The following KCNJ6 variants were observed in gnomAD, a reference collection of about 807,000 sequenced individuals.
The protein encoded by KCNJ6 is G protein-activated inward rectifier potassium channel 2.
Under a neutral mutation model 34.2 loss-of-function variants are expected in KCNJ6, and 9 were observed. The ratio of observed to expected loss-of-function variants is 0.26; its 90% CI spans 0.16 to 0.46. The LOEUF (loss-of-function observed/expected upper bound fraction) is 0.46, where lower values mean the gene tolerates loss of function less well. Ranked by LOEUF, KCNJ6 falls within the 20% of genes least tolerant of loss-of-function variation. KCNJ6 has a pLI of 1.00. For missense variants in KCNJ6, 236 were observed against 531.3 expected (o/e 0.44, Z 5.46); for synonymous variants, 196 against 207.1 (o/e 0.95, Z 0.46).
chr21:37,701,554 C>T (rs573411219), intron 3 of KCNJ6, among the ~76,000 whole-genome samples: 6 of 152,212 alleles, frequency 3.9e-5, no homozygotes, highest in African/African-American at 1.4e-4. Flanking sequence ...GGTCCAGGAA[C>T]TGCTCTGGGT....
intron 2 of KCNJ6, among the ~76,000 whole-genome samples, chr21:37,822,553 G>T (rs528686063): frequency 6.6e-6 from 1 of 152,184 alleles, no homozygotes; most frequent in African/African-American, 2.4e-5. Context: ...CAAAAGAAAC[G>T]CCTTCTGTGT....
At position 37,620,771 on chromosome 21, in the gene KCNJ6, T is replaced by G. The variant is rs548531624; in HGVS notation, c.*4388A>C. The G allele has an allele frequency of 1.7e-4, 26 of 152,352 alleles. No homozygotes were observed. The highest frequency in any genetic ancestry group is 5.5e-4 in the African/African-American group (23 of 41,586). The allele number at this position is 152,352 out of a possible 1,614,324, so 9.4% of individuals were successfully genotyped here. ...AGATAATTTGTACAAGTGCTCTTAA[T>G]GCTCTCAAACACCACACCATGTTGG... On this transcript the variant is annotated 3_prime_UTR_variant, in exon 4 of 4. Coordinates refer to ENST00000609713, the MANE Select transcript of KCNJ6 (RefSeq NM_002240.5).
intron 2 of KCNJ6, among the ~76,000 whole-genome samples, chr21:37,838,267 G>A (rs1453090759): frequency 6.6e-6 from 1 of 152,186 alleles, no homozygotes; most frequent in Non-Finnish European, 1.5e-5. Flanking sequence ...GTCAGGTGAA[G>A]AGCTCTTATT....
chr21:37,846,756 G>A (rs2055510696), intron 1 of KCNJ6, among the ~76,000 whole-genome samples: 1 of 152,224 alleles, frequency 6.6e-6, no homozygotes, highest in East Asian at 1.9e-4. Flanking sequence ...AGTAGGAAAC[G>A]ATAAAGCCAT....
At chr21:37,654,970 G>A (rs2835872) in intron 3 of KCNJ6, among the ~76,000 whole-genome samples, 40,166 of 152,032 alleles carry the variant, frequency 0.26, 5,901 homozygotes, top group Non-Finnish European at 0.32. Context: ...TGGGAGCTAT[G>A]GGCAAGTACT....
At chr21:37,647,221 G>A (rs2054409382) in intron 3 of KCNJ6, among the ~76,000 whole-genome samples, 1 of 152,150 alleles carries the variant, frequency 6.6e-6, no homozygotes, top group South Asian at 2.1e-4. Context: ...TGAAGGGGCT[G>A]ACTTAATTCT....
intron 3 of KCNJ6, among the ~76,000 whole-genome samples, chr21:37,670,486 T>C (rs1002542356): frequency 1.3e-5 from 2 of 152,192 alleles, no homozygotes; most frequent in African/African-American, 4.8e-5. Flanking sequence ...AAGCCTGGGC[T>C]GAGTGCAGTG....
At chr21:37,771,247 T>C (rs1472702555) in intron 2 of KCNJ6, among the ~76,000 whole-genome samples, 3 of 152,216 alleles carry the variant, frequency 2.0e-5, no homozygotes, top group Non-Finnish European at 4.4e-5. Flanking sequence ...TTTGCAGATA[T>C]GATTAAAGCC....
chr21:37,854,030 C>G (rs1035889940), intron 1 of KCNJ6, among the ~76,000 whole-genome samples: 2 of 150,192 alleles, frequency 1.3e-5, no homozygotes, highest in African/African-American at 4.9e-5. Flanking sequence ...CAGAGAATCA[C>G]AAAACAAAAA....
rs1390677592 is a variant in KCNJ6 at position 37,618,579 on chromosome 21, T to G, written c.*6580A>C. 1 of 152,254 alleles carries G rather than the reference T, an allele frequency of 6.6e-6. No homozygotes were observed. Among genetic ancestry groups the G allele is most frequent in the East Asian group, 1.9e-4 (1 of 5,206 alleles). The allele number at this position is 152,254 out of a possible 1,614,324, so 9.4% of individuals were successfully genotyped here. ...AAACAATGGGCACTGAGCCTTAATCTTGAAATGGGCAATTACACAAAGTCG... is the reference window on the plus strand; with the variant it reads ...AAACAATGGGCACTGAGCCTTAATCGTGAAATGGGCAATTACACAAAGTCG... On this transcript the variant is annotated 3_prime_UTR_variant, in exon 4 of 4. Transcript: ENST00000609713.
At chr21:37,730,790 T>A (rs773730002) in intron 2 of KCNJ6, among the ~76,000 whole-genome samples, 1 of 152,144 alleles carries the variant, frequency 6.6e-6, no homozygotes, top group Non-Finnish European at 1.5e-5. Flanking sequence ...AGGCCAACGG[T>A]GGCTGGACTA....
At chr21:37,655,222 TGTGAGA>T (rs1569438954) in intron 3 of KCNJ6, among the ~76,000 whole-genome samples, 9 of 8,242 alleles carry the variant, frequency 1.1e-3, no homozygotes, top group Non-Finnish European at 5.5e-3. Context: ...TGTGTGTGTG[TGTGAGA>T]GAGAGAGAGA....
chr21:37,663,389 A>C (rs545663051), intron 3 of KCNJ6, among the ~76,000 whole-genome samples: 7 of 152,276 alleles, frequency 4.6e-5, no homozygotes, highest in South Asian at 2.1e-4. Context: ...GTATGTGAGC[A>C]AAAAAGTTGA....
intron 2 of KCNJ6, among the ~76,000 whole-genome samples, chr21:37,809,014 C>A (rs2055307764): frequency 6.6e-6 from 1 of 152,196 alleles, no homozygotes; most frequent in East Asian, 1.9e-4. Context: ...ACCCAGCCAT[C>A]CCATTACTGG....
intron 2 of KCNJ6, among the ~76,000 whole-genome samples, chr21:37,798,923 A>T (rs2055256163): frequency 6.6e-6 from 1 of 152,184 alleles, no homozygotes; most frequent in African/African-American, 2.4e-5. Flanking sequence ...CTCAATAAGG[A>T]TTTTAACTTT....
intron 3 of KCNJ6, among the ~76,000 whole-genome samples, chr21:37,645,017 GT>G (rs71198881): frequency 0.014 from 1,833 of 130,780 alleles, 34 homozygotes; most frequent in African/African-American, 0.047. Flanking sequence ...AAACAGGTGG[GT>G]TTTTTTTTTT....
Position 37,610,277 on chromosome 21 carries a change from G to A in KCNJ6, c.*14882C>T, listed in dbSNP as rs1229726279. 1 of 152,178 alleles carries A rather than the reference G, an allele frequency of 6.6e-6. No homozygotes were observed. Among genetic ancestry groups the A allele is most frequent in the Non-Finnish European group, 1.5e-5 (1 of 68,042 alleles). The allele number at this position is 152,178 out of a possible 1,614,324, so 9.4% of individuals were successfully genotyped here. A position where few individuals can be genotyped will look rare whatever the true frequency, so the allele number is the denominator to read the frequency against. ...AAGATGAGGAAACTACAGCAGATTA[G>A]TCTTTTTGCTTAAGCTTGCATGGAA... On this transcript the variant is annotated 3_prime_UTR_variant, in exon 4 of 4. Transcript: ENST00000609713.
intron 3 of KCNJ6, among the ~76,000 whole-genome samples, chr21:37,676,069 C>A (rs890854271): frequency 1.3e-5 from 2 of 152,240 alleles, no homozygotes; most frequent in Non-Finnish European, 2.9e-5. Flanking sequence ...TTCGTGGGCA[C>A]CACAGAACTG....
intron 2 of KCNJ6, among the ~76,000 whole-genome samples, chr21:37,799,382 G>C (rs942577838): frequency 6.6e-6 from 1 of 152,190 alleles, no homozygotes; most frequent in Non-Finnish European, 1.5e-5. Context: ...AGGATGAAAG[G>C]CGGGAAGGCT....
Sources: allele counts gnomAD v4.1 joint callset (sites outside exome capture counted in the v4.1 genomes callset), GRCh38; gene constraint gnomAD v4.1.1; transcripts MANE v1.5; gene names NCBI Gene and HGNC (gene_info 2026-07-23, HGNC 2026-07-21).